The following SHISA9 variants were observed in gnomAD, a reference collection of about 807,000 sequenced individuals.
The protein encoded by SHISA9 is protein shisa-9.
In SHISA9, 13 loss-of-function variants were observed where a neutral mutation model predicts 38.0. The observed-to-expected ratio is 0.34, with a 90% CI of 0.22 to 0.54. The LOEUF is 0.54. SHISA9 is among the 20% of genes least tolerant of loss of function. SHISA9 has a pLI of 0.91. For synonymous variants in SHISA9, 275 were observed against 242.0 expected, an observed-to-expected ratio of 1.14 and a Z score of -1.27; for missense variants, 538 against 575.8, an observed-to-expected ratio of 0.93 and a Z score of 0.67.
chr16:13,525,837 G>C, the SHISA9 span, among the ~76,000 whole-genome samples: 13 of 152,312 alleles, frequency 8.5e-5, no homozygotes, highest in East Asian at 1.7e-3. Flanking sequence ...ATTTATGAGG[G>C]AGATTTAGAT....
chr16:13,289,522 C>T, the SHISA9 span, among the ~76,000 whole-genome samples: 1 of 150,462 alleles, frequency 6.6e-6, no homozygotes, highest in Middle Eastern at 3.4e-3. Context: ...AAGCAAAAAG[C>T]AAACAAACAA....
intron 2 of SHISA9, among the ~76,000 whole-genome samples, chr16:13,174,487 A>G (rs16961280): frequency 0.15 from 22,256 of 152,234 alleles, 1,660 homozygotes; most frequent in Middle Eastern, 0.21. Flanking sequence ...TCAGAGAGAT[A>G]GCGATGGCCT....
At chr16:13,319,081 C>T in the SHISA9 span, among the ~76,000 whole-genome samples, 1 of 152,154 alleles carries the variant, frequency 6.6e-6, no homozygotes. Flanking sequence ...GATCTCCGCC[C>T]ACTGCAACCA....
intron 4 of SHISA9, among the ~76,000 whole-genome samples, chr16:13,224,412 A>G (rs1310480568): frequency 1.3e-5 from 2 of 152,224 alleles, no homozygotes; most frequent in Admixed American, 6.5e-5. Context: ...CAATCCCTGT[A>G]AAGAACAGAT....
chr16:13,410,145 C>T, the SHISA9 span, among the ~76,000 whole-genome samples: 2 of 152,148 alleles, frequency 1.3e-5, no homozygotes, highest in African/African-American at 4.8e-5. Flanking sequence ...CTTTGACCCA[C>T]AGTTTTCTAT....
At chr16:13,389,703 A>G in the SHISA9 span, among the ~76,000 whole-genome samples, 1 of 152,148 alleles carries the variant, frequency 6.6e-6, no homozygotes, top group Non-Finnish European at 1.5e-5. Context: ...TAGGCTCACA[A>G]TGATGTACTC....
the SHISA9 span, among the ~76,000 whole-genome samples, chr16:13,444,500 T>A: frequency 6.6e-6 from 1 of 152,060 alleles, no homozygotes; most frequent in African/African-American, 2.4e-5. Context: ...GTCTTGCAGG[T>A]CTTTTGGAAA....
At chr16:13,152,237 CTT>C (rs541625856) in intron 2 of SHISA9, among the ~76,000 whole-genome samples, 1 of 151,944 alleles carries the variant, frequency 6.6e-6, no homozygotes, top group East Asian at 1.9e-4. Flanking sequence ...ATTTCAGACA[CTT>C]TTTTTTCCCC....
At chr16:13,246,995 T>G in the SHISA9 span, among the ~76,000 whole-genome samples, 7 of 149,158 alleles carry the variant, frequency 4.7e-5, 1 homozygote, top group African/African-American at 9.7e-5. Context: ...ATTTATATTT[T>G]AAATATAATA....
chr16:13,503,221 T>C, the SHISA9 span, among the ~76,000 whole-genome samples: 2 of 152,118 alleles, frequency 1.3e-5, no homozygotes, highest in Admixed American at 6.5e-5. Flanking sequence ...GCTGGGAGCA[T>C]AGTGAGTAAT....
chr16:13,375,634 C>G, the SHISA9 span, among the ~76,000 whole-genome samples: 3 of 151,372 alleles, frequency 2.0e-5, no homozygotes, highest in Non-Finnish European at 4.4e-5. Flanking sequence ...AGAAAACATC[C>G]AAAAAGAAAA....
At chr16:12,976,112 G>C (rs1233948453) in intron 2 of SHISA9, among the ~76,000 whole-genome samples, 1 of 152,090 alleles carries the variant, frequency 6.6e-6, no homozygotes, top group Non-Finnish European at 1.5e-5. Context: ...ATTTGAGACA[G>C]AGTCTTGCTT....
intron 2 of SHISA9, among the ~76,000 whole-genome samples, chr16:12,963,939 C>A (rs2071944772): frequency 6.6e-6 from 1 of 152,178 alleles, no homozygotes; most frequent in African/African-American, 2.4e-5. Context: ...CTGGTCCTCA[C>A]CAAGGGGGCT....
At chr16:13,008,289 C>T (rs1481306506) in intron 2 of SHISA9, among the ~76,000 whole-genome samples, 1 of 152,110 alleles carries the variant, frequency 6.6e-6, no homozygotes, top group Non-Finnish European at 1.5e-5. Flanking sequence ...TTCATTAATA[C>T]ACTCTTCCCC....
Position 13,219,119 on chromosome 16 carries a change from C to A in SHISA9, c.895+5819C>A, listed in dbSNP as rs566162280. On this transcript the variant is annotated intron_variant, in intron 4 of 4. Transcript: ENST00000558583. ...GATTTTGATGAGCTTCCTTGGGAACCCATAGGGCATGAAATGAATGCGCAA... is the reference window on the plus strand; with the variant it reads ...GATTTTGATGAGCTTCCTTGGGAACACATAGGGCATGAAATGAATGCGCAA... Among the ~76,000 whole-genome samples the A allele has an allele frequency of 5.9e-5, 9 of 152,274 alleles. No individual in the cohort carries two copies. In the South Asian group the frequency reaches 1.9e-3, roughly 32 times the overall value.
chr16:13,450,501 T>G, the SHISA9 span, among the ~76,000 whole-genome samples: 2 of 152,224 alleles, frequency 1.3e-5, no homozygotes, highest in Non-Finnish European at 2.9e-5. Context: ...TAGCCTAATT[T>G]AGCCCTTCAT....
At chr16:13,431,322 T>A in the SHISA9 span, among the ~76,000 whole-genome samples, 1 of 152,194 alleles carries the variant, frequency 6.6e-6, no homozygotes, top group Admixed American at 6.5e-5. Flanking sequence ...AATACTCAGA[T>A]GGGTCGAATA....
chr16:13,010,185 A>G (rs1163151177), intron 2 of SHISA9, among the ~76,000 whole-genome samples: 1 of 152,230 alleles, frequency 6.6e-6, no homozygotes, highest in Non-Finnish European at 1.5e-5. Context: ...GAAAAAAGAA[A>G]AAAAGAGAAG....
chr16:13,239,598 C>T lies in SHISA9; in HGVS notation c.*4189C>T, dbSNP rs960944033. The T allele has an allele frequency of 6.6e-6, 1 of 152,194 alleles. No individual in the cohort carries two copies. Among genetic ancestry groups the T allele is most frequent in the Admixed American group, 6.5e-5 (1 of 15,270 alleles). 9.4% of individuals were successfully genotyped at this position (152,194 alleles called of 1,614,324 possible). A position where few individuals can be genotyped will look rare whatever the true frequency, so the allele number is the denominator to read the frequency against. Reference sequence around the variant, plus strand: ...TTCTCTGATGGCCAGTGATGATGAGCATTTTTTCATGTGTCTTTTGACTGC... The same window carrying T: ...TTCTCTGATGGCCAGTGATGATGAGTATTTTTTCATGTGTCTTTTGACTGC... On this transcript the variant is annotated 3_prime_UTR_variant, in exon 5 of 5. Transcript: ENST00000558583.
Sources: allele counts gnomAD v4.1 joint callset (sites outside exome capture counted in the v4.1 genomes callset), GRCh38; gene constraint gnomAD v4.1.1; transcripts MANE v1.5; gene names NCBI Gene and HGNC (gene_info 2026-07-23, HGNC 2026-07-21).